The following H1-7 variants were observed in gnomAD, a reference collection of about 807,000 sequenced individuals.
H1-7 encodes testis-specific H1 histone.
In H1-7, 1 loss-of-function variant was observed where a neutral mutation model predicts 0.3. The ratio of observed to expected loss-of-function variants is 3.06; its 90% CI spans 1.09 to 14.53. H1-7 has a LOEUF of 14.53. Among genes scored for constraint, H1-7 ranks in the 30% most tolerant of loss-of-function variants. H1-7 has a pLI of 0.12. For synonymous variants in H1-7, 177 were observed against 153.2 expected (o/e 1.16, Z -1.15); for missense variants, 393 against 353.1 (o/e 1.11, Z -0.91).
In H1-7 at chr12:48,330,123, A is replaced by T; in HGVS notation, c.*64A>T. 6.8e-7 allele frequency: 1 copy of T among 1,477,524 alleles called. No individual in the cohort carries two copies. Among genetic ancestry groups the T allele is most frequent in the Non-Finnish European group, 9.0e-7 (1 of 1,110,048 alleles). 91.5% of individuals were successfully genotyped at this position (1,477,524 alleles called of 1,614,324 possible). ...GGGGAAGACTCCACTAAAGACTTCCACAAAGACCTCCCCTAAATCTGAAGG... is the reference window on the plus strand; with the variant it reads ...GGGGAAGACTCCACTAAAGACTTCCTCAAAGACCTCCCCTAAATCTGAAGG... On this transcript the variant is annotated 3_prime_UTR_variant, in exon 1 of 1. Transcript: ENST00000335017.
chr12:48,329,546 C>G lies in H1-7; in HGVS notation c.255C>G (p.Asn85Lys), dbSNP rs1952542321. The change falls in exon 1 of 1, where the codon AAC becomes AAG. Residue 85 changes from asparagine to lysine, a missense_variant. Transcript: ENST00000335017. Reference sequence around the variant, plus strand: ...CAGCTCTCAAGAAGGAGCTCCGAAACGCCGGCTACGAAGTGCGCAGGAAGA... The same window carrying G: ...CAGCTCTCAAGAAGGAGCTCCGAAAGGCCGGCTACGAAGTGCGCAGGAAGA... ...TLAALKKELRNAGYEVRRKSG... is the reference protein window; with the variant it reads ...TLAALKKELRKAGYEVRRKSG... 1 of 1,613,184 alleles carries G rather than the reference C, an allele frequency of 6.2e-7. No individual in the cohort carries two copies. The highest frequency in any genetic ancestry group is 8.5e-7 in the Non-Finnish European group (1 of 1,179,802).
Position 48,330,109 on chromosome 12 carries a change from C to A in H1-7, c.*50C>A, listed in dbSNP as rs1203823243. ...ACATCTAGCGGGCAGGGGAAGACTC[C>A]ACTAAAGACTTCCACAAAGACCTCC... On this transcript the variant is annotated 3_prime_UTR_variant, in exon 1 of 1. Coordinates refer to ENST00000335017, the MANE Select transcript of H1-7 (RefSeq NM_181788.1). 11 of 1,518,970 alleles carry A rather than the reference C, an allele frequency of 7.2e-6. No homozygotes were observed. The highest frequency in any genetic ancestry group is 8.8e-6 in the Non-Finnish European group (10 of 1,136,854). 94.1% of individuals were successfully genotyped at this position (1,518,970 alleles called of 1,614,324 possible).
chr12:48,329,994 C>G lies in H1-7; in HGVS notation c.703C>G (p.Arg235Gly). Residue 235 changes from arginine (R) to glycine (G), a missense_variant, in exon 1 of 1, where the codon CGA (arginine) becomes GGA (glycine). Transcript: ENST00000335017. ...TTPRSGKDKR[R>G]SSKPREEKQE... The stretch of plus-strand genomic sequence containing the variant: ...GCCGAGGTCAGGGAAGGACAAGAGG[C>G]GAAGCTCCAAGCCCAGGGAAGAGAA... The G allele has an allele frequency of 1.9e-6, 3 of 1,613,718 alleles. No homozygotes were observed. Among genetic ancestry groups the G allele is most frequent in the Non-Finnish European group, 2.5e-6 (3 of 1,179,888 alleles).
At position 48,329,848 on chromosome 12, in the gene H1-7, C is replaced by A; in HGVS notation, c.557C>A (p.Ala186Glu). 6.3e-7 allele frequency: 1 copy of A among 1,589,972 alleles called. No homozygotes were observed. Among genetic ancestry groups the A allele is most frequent in the Non-Finnish European group, 8.6e-7 (1 of 1,168,782 alleles). The change falls in exon 1 of 1, where the codon GCG (alanine) becomes GAG (glutamate). Residue 186 changes from alanine (A) to glutamate (E), a missense_variant. By Grantham distance (107) the Ala-to-Glu change is moderately radical (BLOSUM62 -1). Transcript: ENST00000335017. ...GCGAAAGCCAAGGCCAATGCCAGGG[C>A]GAGGAGGACCAGGAGGGCAAGGCCG... The part of the protein sequence containing the change: ...ARAKAKANAR[A>E]RRTRRARPRA...
Position 48,329,831 on chromosome 12 carries a change from C to T in H1-7, c.540C>T (p.Ala180=), listed in dbSNP as rs1379987066. 6.3e-7 allele frequency: 1 copy of T among 1,593,448 alleles called. No individual in the cohort carries two copies. Among genetic ancestry groups the T allele is most frequent in the Non-Finnish European group, 8.5e-7 (1 of 1,170,646 alleles). ...GGAGACGGAACGCGAGGGCGAAAGC[C>T]AAGGCCAATGCCAGGGCGAGGAGGA... ...EVWRRNARAK[A]KANARARRTR... is the part of the protein sequence containing the mutation. The change falls in exon 1 of 1, where the codon GCC becomes GCT. Residue 180 remains alanine (A), a synonymous_variant. Coordinates refer to ENST00000335017, the MANE Select transcript of H1-7 (RefSeq NM_181788.1).
Position 48,329,302 on chromosome 12 carries a change from C to A in H1-7, c.11C>A (p.Ala4Asp), listed in dbSNP as rs990809975. The change falls in exon 1 of 1, where the codon GCC becomes GAC. Residue 4 changes from alanine (A) to aspartate (D), a missense_variant. Physicochemically the swap from Ala to Asp is moderately radical, Grantham distance 126 (BLOSUM62 -2). Transcript: ENST00000335017. ...CAGTCTACCTCAGCTATGGAACAGG[C>A]CTTGACTGGTGAGGCCCAAAGCCGG... MEQ[A>D]LTGEAQSRWP... 6.3e-7 allele frequency: 1 copy of A among 1,584,116 alleles called. No homozygotes were observed.
In H1-7 at chr12:48,329,953, T is replaced by C. The variant is rs1592133838; in HGVS notation, c.662T>C (p.Val221Ala). The C allele has an allele frequency of 6.2e-7, 1 of 1,611,298 alleles. No homozygotes were observed. Among genetic ancestry groups the C allele is most frequent in the East Asian group, 2.2e-5 (1 of 44,702 alleles). ...GCAGACGAGGGGCGAGGACAGGCCGTGAAGGAAGACACCACGCCGAGGTCA... is the reference window on the plus strand; with the variant it reads ...GCAGACGAGGGGCGAGGACAGGCCGCGAAGGAAGACACCACGCCGAGGTCA... Reference protein sequence around the residue: ...TAADEGRGQAVKEDTTPRSGK... With the variant: ...TAADEGRGQAAKEDTTPRSGK... The change falls in exon 1 of 1, where the codon GTG becomes GCG. Residue 221 changes from valine (V) to alanine (A), a missense_variant. Physicochemically the swap from Val to Ala is moderately conservative, Grantham distance 64. Coordinates refer to ENST00000335017, the MANE Select transcript of H1-7 (RefSeq NM_181788.1).
chr12:48,329,347 G>A lies in H1-7; in HGVS notation c.56G>A (p.Ser19Asn). 1 of 1,607,400 alleles carries A rather than the reference G, an allele frequency of 6.2e-7. No homozygotes were observed. The change falls in exon 1 of 1, where the codon AGT (serine) becomes AAT (asparagine). Residue 19 changes from serine to asparagine, a missense_variant. By Grantham distance (46) the Ser-to-Asn change is conservative. Coordinates refer to ENST00000335017, the MANE Select transcript of H1-7 (RefSeq NM_181788.1). Reference sequence around the variant, plus strand: ...AGCCGGTGGCCCCGCAGAGGCGGGAGTGGGGCCATGGCTGAGGCGCCTGGG... The same window carrying A: ...AGCCGGTGGCCCCGCAGAGGCGGGAATGGGGCCATGGCTGAGGCGCCTGGG... ...AQSRWPRRGG[S>N]GAMAEAPGPS...
chr12:48,329,111 C>A lies in H1-7; in HGVS notation c.-181C>A. ...CCCTGGAGACTCTATAGGTAGGTGA[C>A]TGTTGGGGGTGGACAGGCGCTGAAG... On this transcript the variant is annotated 5_prime_UTR_variant, in exon 1 of 1. In the 5' UTR this introduces an upstream ATG that the reference lacks. Coordinates refer to ENST00000335017, the MANE Select transcript of H1-7 (RefSeq NM_181788.1). 1 of 635,452 alleles carries A rather than the reference C, an allele frequency of 1.6e-6. No individual in the cohort carries two copies. Among genetic ancestry groups the A allele is most frequent in the Non-Finnish European group, 2.6e-6 (1 of 381,776 alleles). 39.4% of individuals were successfully genotyped at this position (635,452 alleles called of 1,614,324 possible).
rs778667124 is a variant in H1-7 at position 48,330,004 on chromosome 12, A to G, written c.713A>G (p.Lys238Arg). ...RSGKDKRRSS[K>R]PREEKQEPKK... ...GGGAAGGACAAGAGGCGAAGCTCCA[A>G]GCCCAGGGAAGAGAAGCAGGAGCCC... The change falls in exon 1 of 1, where the codon AAG becomes AGG. Residue 238 changes from lysine (K) to arginine (R), a missense_variant. Physicochemically the swap from Lys to Arg is conservative, Grantham distance 26. Transcript: ENST00000335017. 2 of 1,613,754 alleles carry G rather than the reference A, an allele frequency of 1.2e-6. No homozygotes were observed. Among genetic ancestry groups the G allele is most frequent in the South Asian group, 2.2e-5 (2 of 91,050 alleles).
In H1-7 at chr12:48,330,239, C is replaced by T. The variant is rs535191173; in HGVS notation, c.*180C>T. 17 of 680,064 alleles carry T rather than the reference C, an allele frequency of 2.5e-5. No individual in the cohort carries two copies. The highest frequency in any genetic ancestry group is 5.4e-5 in the African/African-American group (3 of 55,144). The allele number at this position is 680,064 out of a possible 1,614,324, so 42.1% of individuals were successfully genotyped here. ...TTTCCCCCATAGGCCCCAAGAAGAG[C>T]GGCTGTCACACTCATTGAAATGAAA... On this transcript the variant is annotated 3_prime_UTR_variant, in exon 1 of 1. Coordinates refer to ENST00000335017, the MANE Select transcript of H1-7 (RefSeq NM_181788.1).
Position 48,329,167 on chromosome 12 carries a change from G to A in H1-7, c.-125G>A. On this transcript the variant is annotated 5_prime_UTR_variant, in exon 1 of 1. Coordinates refer to ENST00000335017, the MANE Select transcript of H1-7 (RefSeq NM_181788.1). ...GATTGGTTTAGACCTAGAAGGAAGTGGCATTTGATTGGTTATTATAAGTGA... is the reference window on the plus strand; with the variant it reads ...GATTGGTTTAGACCTAGAAGGAAGTAGCATTTGATTGGTTATTATAAGTGA... 1 of 1,128,098 alleles carries A rather than the reference G, an allele frequency of 8.9e-7. No individual in the cohort carries two copies. Among genetic ancestry groups the A allele is most frequent in the Non-Finnish European group, 1.2e-6 (1 of 809,790 alleles). The allele number at this position is 1,128,098 out of a possible 1,614,324, so 69.9% of individuals were successfully genotyped here. A position where few individuals can be genotyped will look rare whatever the true frequency, so the allele number is the denominator to read the frequency against.
rs1257972695 is a variant in H1-7 at position 48,329,757 on chromosome 12, A to G, written c.466A>G (p.Arg156Gly). 1 of 1,598,796 alleles carries G rather than the reference A, an allele frequency of 6.3e-7. No homozygotes were observed. Among genetic ancestry groups the G allele is most frequent in the Non-Finnish European group, 8.5e-7 (1 of 1,174,286 alleles). ...RTPAAPRSSR[R>G]RRQPLRKAAR... ...CCCAGCCGCGCCCCGGAGCTCCCGG[A>G]GGCGCCGCCAGCCCCTTCGCAAGGC... Residue 156 changes from arginine to glycine, a missense_variant, in exon 1 of 1, where the codon AGG becomes GGG. Arg to Gly is a moderately radical substitution (Grantham distance 125). Coordinates refer to ENST00000335017, the MANE Select transcript of H1-7 (RefSeq NM_181788.1).
chr12:48,330,130 C>G lies in H1-7; in HGVS notation c.*71C>G. On this transcript the variant is annotated 3_prime_UTR_variant, in exon 1 of 1. Coordinates refer to ENST00000335017, the MANE Select transcript of H1-7 (RefSeq NM_181788.1). ...ACTCCACTAAAGACTTCCACAAAGA[C>G]CTCCCCTAAATCTGAAGGTCTTCCT... The G allele has an allele frequency of 1.4e-6, 2 of 1,463,718 alleles. No individual in the cohort carries two copies. The highest frequency in any genetic ancestry group is 1.8e-6 in the Non-Finnish European group (2 of 1,101,214). 90.7% of individuals were successfully genotyped at this position (1,463,718 alleles called of 1,614,324 possible).
At position 48,329,512 on chromosome 12, in the gene H1-7, T is replaced by A; in HGVS notation, c.221T>A (p.Leu74Gln). The change falls in exon 1 of 1, where the codon CTG becomes CAG. Residue 74 changes from leucine (L) to glutamine (Q), a missense_variant. Leu to Gln is a moderately radical substitution (Grantham distance 113, BLOSUM62 -2). Transcript: ENST00000335017. Reference protein sequence around the residue: ...VLQAISTHKGLTLAALKKELR... With the variant: ...VLQAISTHKGQTLAALKKELR... ...CAGGCCATCTCCACTCACAAAGGGC[T>A]GACTCTGGCAGCTCTCAAGAAGGAG... 6.2e-7 allele frequency: 1 copy of A among 1,613,980 alleles called. No homozygotes were observed. The highest frequency in any genetic ancestry group is 1.1e-5 in the South Asian group (1 of 91,046).
the H1-7 span, chr12:48,329,734 C>CA: frequency 6.2e-7 from 1 of 1,604,372 alleles, no homozygotes; most frequent in Non-Finnish European, 8.5e-7. Flanking sequence ...TGGAGGACCC[C>CA]AGCCGCGCCC....
At position 48,329,094 on chromosome 12, in the gene H1-7, ACT is replaced by A; in HGVS notation, c.-195_-194del. On this transcript the variant is annotated 5_prime_UTR_variant, in exon 1 of 1. Transcript: ENST00000335017. ...TTGATTTGGGAACAAAACCCTGGAG[ACT>A]CTATAGGTAGGTGACTGTTGGGGGT... The A allele has an allele frequency of 1.8e-6, 1 of 549,676 alleles. No homozygotes were observed. Among genetic ancestry groups the A allele is most frequent in the South Asian group, 3.0e-5 (1 of 33,550 alleles). 34.0% of individuals were successfully genotyped at this position (549,676 alleles called of 1,614,324 possible). A position where few individuals can be genotyped will look rare whatever the true frequency, so the allele number is the denominator to read the frequency against.
Position 48,329,078 on chromosome 12 carries a change from G to GCGCCGTAGCATTAAA in H1-7, c.-214_-213insCGCCGTAGCATTAAA. On this transcript the variant is annotated 5_prime_UTR_variant, in exon 1 of 1. Transcript: ENST00000335017. ...ATCGAGATCAGTAAGTTTGATTTGG[G>GCGCCGTAGCATTAAA]AACAAAACCCTGGAGACTCTATAGG... 2 of 501,812 alleles carry GCGCCGTAGCATTAAA rather than the reference G, an allele frequency of 4.0e-6. No homozygotes were observed. The highest frequency in any genetic ancestry group is 6.8e-6 in the Non-Finnish European group (2 of 292,638). 31.1% of individuals were successfully genotyped at this position (501,812 alleles called of 1,614,324 possible). A position where few individuals can be genotyped will look rare whatever the true frequency, so the allele number is the denominator to read the frequency against.
At position 48,329,160 on chromosome 12, in the gene H1-7, A is replaced by C; in HGVS notation, c.-132A>C. On this transcript the variant is annotated 5_prime_UTR_variant, in exon 1 of 1. Coordinates refer to ENST00000335017, the MANE Select transcript of H1-7 (RefSeq NM_181788.1). ...AGACTTGGATTGGTTTAGACCTAGA[A>C]GGAAGTGGCATTTGATTGGTTATTA... The C allele has an allele frequency of 9.3e-7, 1 of 1,075,814 alleles. No individual in the cohort carries two copies. The highest frequency in any genetic ancestry group is 1.7e-5 in the South Asian group (1 of 58,486). The allele number at this position is 1,075,814 out of a possible 1,614,324, so 66.6% of individuals were successfully genotyped here. A position where few individuals can be genotyped will look rare whatever the true frequency, so the allele number is the denominator to read the frequency against.
Sources: gnomAD v4.1 joint callset for allele counts on GRCh38, gnomAD v4.1.1 for gene constraint, MANE v1.5 for transcripts, NCBI Gene and HGNC (gene_info 2026-07-23, HGNC 2026-07-21) for gene names.